Variants in PREX2 observed in about 807,000 individuals in gnomAD.
PREX2 encodes phosphatidylinositol-3,4,5-trisphosphate dependent Rac exchange factor 2.
In PREX2, 107 loss-of-function variants were observed where a neutral mutation model predicts 203.2. The observed-to-expected ratio is 0.53, with a 90% CI of 0.45 to 0.62. The LOEUF is 0.62. Among genes scored for constraint, PREX2 ranks in the 20% least tolerant of loss-of-function variants. The pLI, the probability that PREX2 is intolerant of heterozygous loss-of-function variation, is 0.00. For synonymous variants in PREX2, 672 were observed against 663.6 expected (o/e 1.01, Z -0.19); for missense variants, 1,777 against 1,955.9 (o/e 0.91, Z 1.72).
intron 20 of PREX2, among the ~76,000 whole-genome samples, chr8:68,093,390 C>CAAAAAAAA (rs56001927): frequency 1.4e-4 from 11 of 81,436 alleles, no homozygotes; most frequent in Non-Finnish European, 2.5e-4. Context: ...AACTCCATCT[C>CAAAAAAAA]AAAAAAAAAA....
intron 1 of PREX2, among the ~76,000 whole-genome samples, chr8:67,976,550 CAGAGAGAG>C (rs746647592): frequency 1.8e-5 from 1 of 54,268 alleles, no homozygotes; most frequent in Non-Finnish European, 3.6e-5. Context: ...GGGAGAGAGA[CAGAGAGAG>C]AGAGACAGAG....
At chr8:68,199,336 A>G (rs966004012) in intron 37 of PREX2, among the ~76,000 whole-genome samples, 4 of 152,194 alleles carry the variant, frequency 2.6e-5, no homozygotes, top group Non-Finnish European at 5.9e-5. Flanking sequence ...GTTAGCTTTA[A>G]CATATGTAAA....
intron 19 of PREX2, among the ~76,000 whole-genome samples, chr8:68,089,455 A>C (rs1585777789): frequency 6.6e-6 from 1 of 152,148 alleles, no homozygotes; most frequent in African/African-American, 2.4e-5. Flanking sequence ...CAAGGCAAAG[A>C]CTTCACAGTT....
In PREX2 at chr8:68,017,839, C is replaced by T. The variant is rs1482634626; in HGVS notation, c.142-7C>T. ...TTACCTTCATAATGTCTTCTTGTTTCATGCAGGCATTCTTACACAGAATGA... is the reference window on the plus strand; with the variant it reads ...TTACCTTCATAATGTCTTCTTGTTTTATGCAGGCATTCTTACACAGAATGA... On this transcript the variant is annotated splice_polypyrimidine_tract_variant and splice_region_variant and intron_variant, in intron 1 of 39. Transcript: ENST00000288368. 4 of 1,610,074 alleles carry T rather than the reference C, an allele frequency of 2.5e-6. No individual in the cohort carries two copies. The South Asian group carries it at 4.4e-5, about 18-fold the overall frequency.
At chr8:68,201,962 A>C (rs1812511876) in intron 37 of PREX2, among the ~76,000 whole-genome samples, 1 of 136,632 alleles carries the variant, frequency 7.3e-6, no homozygotes, top group Non-Finnish European at 1.5e-5. Context: ...GCTGAAGTGC[A>C]GTGGCACGAT....
rs771859071 is a variant in PREX2, at chr8:68,138,506, C to T, written c.4076C>T (p.Pro1359Leu). 11 of 1,575,854 alleles carry T rather than the reference C, an allele frequency of 7.0e-6. No homozygotes were observed. The East Asian group carries it at 2.0e-4, about 29-fold the overall frequency. Residue 1359 changes from proline (P) to leucine (L), a missense_variant, in exon 33 of 40, where the codon CCT becomes CTT. Transcript: ENST00000288368. Reference protein sequence around the residue: ...SFYFKPSEEEPLVANVPLTYQ... With the variant: ...SFYFKPSEEELLVANVPLTYQ... ...TACTTTAAACCATCAGAAGAGGAAC[C>T]TCTGGTTGCAAGTAAGTAATTAGGT...
chr8:68,019,816 TC>T, intron 3 of PREX2, 145 bp downstream of exon 3: 1 of 716,938 alleles, frequency 1.4e-6, no homozygotes, highest in Non-Finnish European at 2.3e-6. Flanking sequence ...AATGAGATCT[TC>T]CACTTAGAGC....
At chr8:67,956,077 T>C (rs1165222355) in intron 1 of PREX2, among the ~76,000 whole-genome samples, 1 of 152,220 alleles carries the variant, frequency 6.6e-6, no homozygotes, top group Admixed American at 6.5e-5. Flanking sequence ...AGGTCACAGA[T>C]AAAATGGTAG....
intron 1 of PREX2, among the ~76,000 whole-genome samples, chr8:67,958,686 A>G (rs1805553966): frequency 6.6e-6 from 1 of 152,140 alleles, no homozygotes; most frequent in Admixed American, 6.5e-5. Flanking sequence ...CCAAACCACA[A>G]ACAAATCAAA....
intron 11 of PREX2, among the ~76,000 whole-genome samples, chr8:68,065,059 C>G (rs994030592): frequency 2.0e-5 from 3 of 152,156 alleles, no homozygotes; most frequent in Non-Finnish European, 4.4e-5. Flanking sequence ...CACCCATTTT[C>G]CATGCTAGAT....
intron 37 of PREX2, among the ~76,000 whole-genome samples, chr8:68,207,601 A>G (rs987827751): frequency 6.6e-6 from 1 of 152,124 alleles, no homozygotes; most frequent in Non-Finnish European, 1.5e-5. Context: ...AAAATTTTGA[A>G]CGTTTATTGA....
At chr8:68,003,840 A>AC (rs1807013944) in intron 1 of PREX2, among the ~76,000 whole-genome samples, 2 of 117,198 alleles carry the variant, frequency 1.7e-5, no homozygotes, top group African/African-American at 6.3e-5. Context: ...TTCTGGCCTG[A>AC]CCTTTTTTTT....
At chr8:68,021,872 C>T (rs1358298130) in intron 3 of PREX2, among the ~76,000 whole-genome samples, 164 bp from the exon 4 acceptor site, 1 of 152,076 alleles carries the variant, frequency 6.6e-6, no homozygotes, top group Non-Finnish European at 1.5e-5. Flanking sequence ...GGCTGTTCTT[C>T]ATGGGCCAGG....
At chr8:68,073,131 C>T (rs575540570) in intron 14 of PREX2, among the ~76,000 whole-genome samples, 145 of 151,570 alleles carry the variant, frequency 9.6e-4, no homozygotes, top group Non-Finnish European at 1.5e-3. Context: ...GGCATCCTTT[C>T]CATCATAAGA....
Position 68,083,407 on chromosome 8 carries a change from G to T in PREX2, c.2027+19G>T. On this transcript the variant is annotated intron_variant, in intron 18 of 39. Coordinates refer to ENST00000288368, the MANE Select transcript of PREX2 (RefSeq NM_024870.4). The stretch of plus-strand genomic sequence containing the variant: ...CAAGAGAGTAAGTTGTATGATTTAT[G>T]TGTGATTTTTTAAAAGTTATACATA... 3.2e-6 allele frequency: 5 copies of T among 1,571,356 alleles called. No homozygotes were observed. Among genetic ancestry groups the T allele is most frequent in the Non-Finnish European group, 4.3e-6 (5 of 1,152,178 alleles).
intron 37 of PREX2, among the ~76,000 whole-genome samples, chr8:68,205,392 C>T (rs1812601338): frequency 6.6e-6 from 1 of 152,182 alleles, no homozygotes; most frequent in African/African-American, 2.4e-5. Context: ...GGGTTTTTCA[C>T]ATTCTCACTG....
chr8:68,228,723 G>A (rs1568829), intron 39 of PREX2, among the ~76,000 whole-genome samples: 53,596 of 151,394 alleles, frequency 0.35, 10,788 homozygotes, highest in African/African-American at 0.55. Flanking sequence ...CCGAGACTGC[G>A]CCACTGCACT....
At chr8:67,999,337 A>C (rs775395938) in intron 1 of PREX2, among the ~76,000 whole-genome samples, 1 of 152,088 alleles carries the variant, frequency 6.6e-6, no homozygotes, top group Admixed American at 6.6e-5. Flanking sequence ...ACTACTGTGA[A>C]TGTGAACTAG....
intron 9 of PREX2, among the ~76,000 whole-genome samples, 195 bp from the exon 10 acceptor site, chr8:68,055,635 C>T (rs950166319): frequency 6.6e-6 from 1 of 152,118 alleles, no homozygotes; most frequent in Non-Finnish European, 1.5e-5. Context: ...GTGACATATA[C>T]CCTGGGGATC....
Sources: allele counts gnomAD v4.1 joint callset (sites outside exome capture counted in the v4.1 genomes callset), GRCh38; gene constraint gnomAD v4.1.1; transcripts MANE v1.5; gene names NCBI Gene and HGNC (gene_info 2026-07-23, HGNC 2026-07-21).